Variants in CSMD2 observed in about 807,000 individuals in gnomAD.
CSMD2 encodes CUB and sushi domain-containing protein 2.
In CSMD2, 130 loss-of-function variants were observed where a neutral mutation model predicts 398.5. The ratio of observed to expected loss-of-function variants is 0.33; its 90% CI spans 0.28 to 0.38. The LOEUF is 0.38. Ranked by LOEUF, CSMD2 falls within the 10% of genes least tolerant of loss-of-function variation. CSMD2 has a pLI of 1.00. For missense variants in CSMD2, 3,829 were observed against 4,764.9 expected (o/e 0.80, Z 5.78); for synonymous variants, 1,828 against 1,908.5 (o/e 0.96, Z 1.10).
chr1:33,835,029 T>C lies in CSMD2; in HGVS notation c.1034-9255A>G, dbSNP rs1434365236. ...AGGTGCTGGAGAGGATGTGGAGAAA[T>C]AGGAAGACTTTTACACTGTTGGTGG... On this transcript the variant is annotated intron_variant, in intron 6 of 70. Transcript: ENST00000373381. Among the ~76,000 whole-genome samples, 2 of 45,568 alleles carry C rather than the reference T, an allele frequency of 4.4e-5. 1 individual carries two copies. The allele number at this position is 45,568 out of a possible 152,430, so 29.9% of individuals were successfully genotyped here.
chr1:33,730,156 T>A (rs190078727), intron 15 of CSMD2, among the ~76,000 whole-genome samples: 50 of 152,300 alleles, frequency 3.3e-4, no homozygotes, highest in African/African-American at 1.2e-3. Context: ...CTATATAATA[T>A]CATGGAGTGG....
At chr1:33,845,438 C>T (rs7529026) in intron 6 of CSMD2, among the ~76,000 whole-genome samples, 3 of 152,230 alleles carry the variant, frequency 2.0e-5, no homozygotes, top group African/African-American at 4.8e-5. Context: ...GGGTTCTTGT[C>T]GCCCATTGCT....
At chr1:33,547,991 C>T (rs1391517800) in intron 56 of CSMD2, among the ~76,000 whole-genome samples, 2 of 152,170 alleles carry the variant, frequency 1.3e-5, no homozygotes, top group African/African-American at 2.4e-5. Context: ...TTGCTGTTCT[C>T]GTGATAGTGA....
At chr1:34,011,910 G>A (rs192258067) in intron 3 of CSMD2, among the ~76,000 whole-genome samples, 25 of 152,122 alleles carry the variant, frequency 1.6e-4, no homozygotes, top group South Asian at 4.2e-4. Flanking sequence ...CCATAAGCAC[G>A]TTCTGAGTGA....
chr1:33,780,147 C>T (rs1652532944), intron 12 of CSMD2, among the ~76,000 whole-genome samples: 1 of 152,152 alleles, frequency 6.6e-6, no homozygotes, highest in Middle Eastern at 3.2e-3. Flanking sequence ...GGTCGCATCC[C>T]TTCCACTCTT....
intron 32 of CSMD2, among the ~76,000 whole-genome samples, chr1:33,629,405 T>TA (rs1269763310): frequency 2.6e-5 from 4 of 151,960 alleles, no homozygotes; most frequent in Non-Finnish European, 4.4e-5. Context: ...ACTTGTAAAA[T>TA]AAATGAGTCA....
rs1252937170 is a variant in CSMD2 at position 33,620,828 on chromosome 1, TTTC to T, written c.5827+1336_5827+1338del. Among the ~76,000 whole-genome samples, 40 of 150,288 alleles carry T rather than the reference TTTC, an allele frequency of 2.7e-4. No individual in the cohort carries two copies. In the East Asian group the frequency reaches 7.8e-3, roughly 29 times the overall value. The stretch of plus-strand genomic sequence containing the variant: ...GGTCTTTTTTTTTTTTTTTTTTTTT[TTTC>T]CAGGTGCATGCTTCAGTTCTTTCAG... On this transcript the variant is annotated intron_variant, in intron 37 of 70. Coordinates refer to ENST00000373381, the MANE Select transcript of CSMD2 (RefSeq NM_001281956.2).
intron 1 of CSMD2, among the ~76,000 whole-genome samples, chr1:34,092,397 G>C (rs1215877656): frequency 6.6e-6 from 1 of 152,192 alleles, no homozygotes; most frequent in Non-Finnish European, 1.5e-5. Flanking sequence ...GATTGTCGGG[G>C]GGAGGAGCCA....
intron 29 of CSMD2, among the ~76,000 whole-genome samples, 185 bp downstream of exon 29, chr1:33,646,463 G>C (rs1643432540): frequency 1.3e-5 from 2 of 151,900 alleles, no homozygotes; most frequent in African/African-American, 4.8e-5. Context: ...GAGAATATAG[G>C]GGTGAAAGAC....
chr1:34,142,793 T>A (rs1365202276), intron 1 of CSMD2, among the ~76,000 whole-genome samples: 3 of 152,160 alleles, frequency 2.0e-5, no homozygotes, highest in Non-Finnish European at 4.4e-5. Context: ...ACGGACCTGT[T>A]TTAAGGTTTA....
At chr1:33,722,503 T>C (rs1351813911) in intron 19 of CSMD2, among the ~76,000 whole-genome samples, 1 of 152,220 alleles carries the variant, frequency 6.6e-6, no homozygotes, top group East Asian at 1.9e-4. Context: ...CTTTTAAAAT[T>C]ACACTTGTTT....
chr1:33,667,513 C>T (rs1285003434), intron 25 of CSMD2, among the ~76,000 whole-genome samples: 2 of 152,140 alleles, frequency 1.3e-5, no homozygotes, highest in Non-Finnish European at 2.9e-5. Flanking sequence ...CAGGTCAGAC[C>T]TTAGTGCTTC....
chr1:33,984,243 T>A (rs1218948313), intron 3 of CSMD2, among the ~76,000 whole-genome samples: 1 of 152,044 alleles, frequency 6.6e-6, no homozygotes, highest in Non-Finnish European at 1.5e-5. Flanking sequence ...AGCCAGGGAA[T>A]CTGCATTTTG....
chr1:33,638,582 C>T (rs758292596), intron 29 of CSMD2, among the ~76,000 whole-genome samples: 1 of 152,220 alleles, frequency 6.6e-6, no homozygotes, highest in Non-Finnish European at 1.5e-5. Flanking sequence ...CCAATAGCCT[C>T]CCGTGTCACT....
In CSMD2 at chr1:33,873,318, T is replaced by C. The variant is rs914225762; in HGVS notation, c.921-26322A>G. ...ATCATTGGAGAGCCAGAGGGTAGAT[T>C]GTGATAGGCAGCTTCAGAAATGACT... is the stretch of plus-strand genomic sequence containing the variant. On this transcript the variant is annotated intron_variant, in intron 5 of 70. Coordinates refer to ENST00000373381, the MANE Select transcript of CSMD2 (RefSeq NM_001281956.2). Among the ~76,000 whole-genome samples, 3 of 152,182 alleles carry C rather than the reference T, an allele frequency of 2.0e-5. No homozygotes were observed. In the East Asian group the frequency reaches 5.8e-4, roughly 29 times the overall value.
intron 3 of CSMD2, among the ~76,000 whole-genome samples, chr1:34,031,561 C>T (rs776045759): frequency 4.6e-5 from 7 of 151,936 alleles, no homozygotes; most frequent in Non-Finnish European, 8.8e-5. Flanking sequence ...TCCCAGGAGC[C>T]CCCAGTTGCT....
At chr1:34,029,627 T>C (rs1467592554) in intron 3 of CSMD2, among the ~76,000 whole-genome samples, 1 of 152,240 alleles carries the variant, frequency 6.6e-6, no homozygotes, top group Non-Finnish European at 1.5e-5. Flanking sequence ...GCCACAGCCT[T>C]GGCTTATGGG....
intron 11 of CSMD2, among the ~76,000 whole-genome samples, chr1:33,791,338 G>A (rs1353052094): frequency 2.6e-5 from 4 of 152,194 alleles, no homozygotes; most frequent in Non-Finnish European, 5.9e-5. Flanking sequence ...CGAGATAATT[G>A]ATGCAAAAGT....
At chr1:34,101,896 C>T (rs934112560) in intron 1 of CSMD2, among the ~76,000 whole-genome samples, 4 of 152,108 alleles carry the variant, frequency 2.6e-5, no homozygotes, top group Admixed American at 6.5e-5. Context: ...TTAGGTCTTA[C>T]TATTTTTCTT....
Sources: gnomAD v4.1 joint callset for allele counts (sites outside exome capture counted in the v4.1 genomes callset) on GRCh38, gnomAD v4.1.1 for gene constraint, MANE v1.5 for transcripts, NCBI Gene and HGNC (gene_info 2026-07-23, HGNC 2026-07-21) for gene names.